Variants in SCN11A observed in about 807,000 individuals in gnomAD.
SCN11A encodes sodium voltage-gated channel alpha subunit 11, also known as sodium channel protein type 11 subunit alpha.
A neutral mutation model predicts 162.2 loss-of-function variants in SCN11A; 122 were observed. The observed-to-expected ratio is 0.75, with a 90% CI of 0.65 to 0.87. The LOEUF (loss-of-function observed/expected upper bound fraction) is 0.87, where lower values mean the gene tolerates loss of function less well. Among genes scored for constraint, SCN11A ranks in the 40% least tolerant of loss-of-function variants. The probability of loss-of-function intolerance (pLI) is 0.00; values close to 1 mark genes in which losing one functional copy is unlikely to be tolerated. For synonymous variants in SCN11A, 758 were observed against 751.5 expected (o/e 1.01, Z -0.14); for missense variants, 2,015 against 2,181.6 (o/e 0.92, Z 1.52).
intron 2 of SCN11A, among the ~76,000 whole-genome samples, chr3:39,025,476 G>A (rs1278320542): frequency 6.6e-6 from 1 of 152,108 alleles, no homozygotes; most frequent in Non-Finnish European, 1.5e-5. Flanking sequence ...AACAAGCGGT[G>A]GATTATTCAT....
chr3:38,925,863 C>A (rs1170560869), intron 8 of SCN11A, among the ~76,000 whole-genome samples: 1 of 152,236 alleles, frequency 6.6e-6, no homozygotes, highest in Non-Finnish European at 1.5e-5. Flanking sequence ...AAGTCTCCTG[C>A]CACTACATGG....
Position 38,925,414 on chromosome 3 carries a change from C to G in SCN11A, c.712+1G>C, listed in dbSNP as rs768647693. The stretch of plus-strand genomic sequence containing the variant: ...CAGTGTGGAAAGTGAGAGTGACTTA[C>G]GTGAAACTACTGAAATTGCTTTCAA... On this transcript the variant is annotated splice_donor_variant, in intron 9 of 29. Coordinates refer to ENST00000302328, the MANE Select transcript of SCN11A (RefSeq NM_001349253.2). LOFTEE classifies it high-confidence loss of function. 1.3e-6 allele frequency: 2 copies of G among 1,598,362 alleles called. No homozygotes were observed. Among genetic ancestry groups the G allele is most frequent in the Non-Finnish European group, 1.7e-6 (2 of 1,165,788 alleles).
chr3:38,966,293 G>C (rs901980454), intron 2 of SCN11A, among the ~76,000 whole-genome samples: 4 of 152,124 alleles, frequency 2.6e-5, no homozygotes, highest in African/African-American at 4.8e-5. Flanking sequence ...ACATCATTTT[G>C]TGTATCAGTT....
intron 2 of SCN11A, among the ~76,000 whole-genome samples, chr3:38,963,445 GATGGAGATATA>G (rs1431335442): frequency 4.5e-5 from 3 of 66,590 alleles, no homozygotes; most frequent in African/African-American, 1.8e-4. Context: ...ATATATATAT[GATGGAGATATA>G]TATATATATA....
At chr3:39,019,355 A>G (rs2031383184) in intron 2 of SCN11A, among the ~76,000 whole-genome samples, 1 of 152,052 alleles carries the variant, frequency 6.6e-6, no homozygotes, top group African/African-American at 2.4e-5. Context: ...ACCTCCAACC[A>G]ATTACCAGCA....
intron 7 of SCN11A, among the ~76,000 whole-genome samples, chr3:38,944,214 A>C (rs1044087499): frequency 6.6e-6 from 1 of 152,248 alleles, no homozygotes; most frequent in South Asian, 2.1e-4. Context: ...AATGTGATAT[A>C]ATTGGTTATT....
chr3:38,967,241 A>C (rs2066788637), intron 2 of SCN11A, among the ~76,000 whole-genome samples: 1 of 152,184 alleles, frequency 6.6e-6, no homozygotes, highest in Non-Finnish European at 1.5e-5. Context: ...TCCCAAATTG[A>C]ACAGGGCTGA....
chr3:38,995,797 T>TTGTCTATCTATCTGTCTGTCTGTC (rs1398756748), intron 2 of SCN11A, among the ~76,000 whole-genome samples: 272 of 108,534 alleles, frequency 2.5e-3, no homozygotes, highest in African/African-American at 0.011. Context: ...TCACAATAAA[T>TTGTCTATCTATCTGTCTGTCTGTC]TGTCTATCTA....
chr3:39,010,949 A>T (rs2031114746), intron 2 of SCN11A, among the ~76,000 whole-genome samples: 1 of 152,174 alleles, frequency 6.6e-6, no homozygotes, highest in African/African-American at 2.4e-5. Flanking sequence ...TTTATAAGAA[A>T]CAGTGAATTC....
chr3:38,938,550 ATTTTTTTTTTTTTT>A (rs71085342), intron 7 of SCN11A, among the ~76,000 whole-genome samples: 1 of 14,530 alleles, frequency 6.9e-5, no homozygotes, highest in African/African-American at 2.4e-4. Context: ...ATATATATAT[ATTTTTTTTTTTTTT>A]TTTTTTTTTT....
At chr3:38,955,956 G>A (rs72855751) in intron 3 of SCN11A, among the ~76,000 whole-genome samples, 5,356 of 152,150 alleles carry the variant, frequency 0.035, 305 homozygotes, top group African/African-American at 0.12. Flanking sequence ...CTGCACGTTC[G>A]GCACAAAAGC....
intron 2 of SCN11A, among the ~76,000 whole-genome samples, chr3:39,008,486 A>G (rs1335687121): frequency 2.0e-5 from 3 of 152,212 alleles, no homozygotes; most frequent in African/African-American, 7.2e-5. Flanking sequence ...CACCCGGATA[A>G]CTGCTGAGCA....
intron 7 of SCN11A, among the ~76,000 whole-genome samples, chr3:38,939,793 C>T (rs575533358): frequency 4.7e-4 from 71 of 152,008 alleles, no homozygotes; most frequent in African/African-American, 1.7e-3. Context: ...ATCCCAGCTA[C>T]TCTGGAGGCT....
chr3:39,037,527 G>A (rs1361468888), intron 1 of SCN11A, among the ~76,000 whole-genome samples: 1 of 152,128 alleles, frequency 6.6e-6, no homozygotes, highest in Non-Finnish European at 1.5e-5. Flanking sequence ...TCAGGTAATA[G>A]ATACGCCATA....
Position 39,032,432 on chromosome 3 carries a change from A to T in SCN11A, c.-332T>A, listed in dbSNP as rs1291394329. Among the ~76,000 whole-genome samples, 1 of 152,182 alleles carries T rather than the reference A, an allele frequency of 6.6e-6. No individual in the cohort carries two copies. The highest frequency in any genetic ancestry group is 1.5e-5 in the Non-Finnish European group (1 of 68,030). On this transcript the variant is annotated 5_prime_UTR_variant, in exon 2 of 30. Coordinates refer to ENST00000302328, the MANE Select transcript of SCN11A (RefSeq NM_001349253.2). ...ACTCTAGGGTACGGTGGAAAGACAT[A>T]CTGGATACTTTCACTGTGTTCAGCA...
chr3:39,014,766 A>C (rs575561171), intron 2 of SCN11A, among the ~76,000 whole-genome samples: 1 of 152,358 alleles, frequency 6.6e-6, no homozygotes, highest in East Asian at 1.9e-4. Context: ...AGTTGAATAG[A>C]AGCAATTATT....
intron 11 of SCN11A, among the ~76,000 whole-genome samples, chr3:38,916,685 ATGCTCTTG>A (rs2065966088): frequency 6.6e-6 from 1 of 151,888 alleles, no homozygotes; most frequent in South Asian, 2.1e-4. Context: ...CAATCCCTAT[ATGCTCTTG>A]TGCTCCAAGG....
At chr3:39,043,134 T>A (rs1316255781) in intron 1 of SCN11A, among the ~76,000 whole-genome samples, 1 of 152,114 alleles carries the variant, frequency 6.6e-6, no homozygotes, top group Non-Finnish European at 1.5e-5. Context: ...TCACCCCAGT[T>A]AAAATGGCTT....
At chr3:38,869,699 T>C (rs1384247154) in intron 26 of SCN11A, among the ~76,000 whole-genome samples, 1 of 152,204 alleles carries the variant, frequency 6.6e-6, no homozygotes, top group African/African-American at 2.4e-5. Context: ...ACAGGCTGAG[T>C]ATCCCTAATC....
Sources: allele counts gnomAD v4.1 joint callset (sites outside exome capture counted in the v4.1 genomes callset), GRCh38; gene constraint gnomAD v4.1.1; transcripts MANE v1.5; gene names NCBI Gene and HGNC (gene_info 2026-07-23, HGNC 2026-07-21).